The following LRRC75A variants were observed in gnomAD, a reference collection of about 807,000 sequenced individuals.
LRRC75A encodes the protein leucine-rich repeat-containing protein 75A.
In LRRC75A, 12 loss-of-function variants were observed where a neutral mutation model predicts 26.0. The observed-to-expected ratio is 0.46, with a 90% CI of 0.30 to 0.75. The LOEUF (loss-of-function observed/expected upper bound fraction) is 0.75. Ranked by LOEUF, LRRC75A falls within the 30% of genes least tolerant of loss-of-function variation. LRRC75A has a pLI of 0.08. For missense variants in LRRC75A, 410 were observed against 486.6 expected (o/e 0.84, Z 1.48); for synonymous variants, 223 against 219.3 (o/e 1.02, Z -0.15).
chr17:16,451,813 T>G (rs974846915), intron 2 of LRRC75A, among the ~76,000 whole-genome samples: 4 of 149,514 alleles, frequency 2.7e-5, no homozygotes, highest in Non-Finnish European at 5.9e-5. Flanking sequence ...GGCGCGATCT[T>G]GGCTCACTGC....
chr17:16,470,069 C>T lies in LRRC75A; in HGVS notation c.247-7683G>A, dbSNP rs544255246. ...CTCCATGTGTCTAGCAGTGAGGAGGCTCCTCTCAGACTGCCCACCTGTCTT... is the reference window on the plus strand; with the variant it reads ...CTCCATGTGTCTAGCAGTGAGGAGGTTCCTCTCAGACTGCCCACCTGTCTT... On this transcript the variant is annotated intron_variant, in intron 1 of 3. Coordinates refer to ENST00000470794, the MANE Select transcript of LRRC75A (RefSeq NM_001113567.3). Among the ~76,000 whole-genome samples the T allele has an allele frequency of 1.1e-4, 17 of 152,236 alleles. 1 individual carries two copies. The East Asian group carries it at 3.3e-3, about 29-fold the overall frequency.
Position 16,444,887 on chromosome 17 carries a change from C to T in LRRC75A, c.492-756G>A, listed in dbSNP as rs141425404. 4.6e-4 allele frequency among the ~76,000 whole-genome samples: 64 copies of T among 139,662 alleles called. 2 individuals are homozygous for T. In the East Asian group the frequency reaches 0.013, roughly 29 times the overall value. 91.6% of individuals were successfully genotyped at this position (139,662 alleles called of 152,430 possible). A position where few individuals can be genotyped will look rare whatever the true frequency, so the allele number is the denominator to read the frequency against. ...TTTTTTGGAGACAGTCTCGCTCTGT[C>T]ACCCAGGCTGGAGTACAATGGCACG... On this transcript the variant is annotated intron_variant, in intron 3 of 3. Coordinates refer to ENST00000470794, the MANE Select transcript of LRRC75A (RefSeq NM_001113567.3).
At chr17:16,485,580 G>A (rs1009573467) in intron 1 of LRRC75A, among the ~76,000 whole-genome samples, 5 of 151,838 alleles carry the variant, frequency 3.3e-5, no homozygotes, top group African/African-American at 1.2e-4. Flanking sequence ...TATAGCAGCC[G>A]GAAAGGACTA....
intron 1 of LRRC75A, among the ~76,000 whole-genome samples, chr17:16,476,377 A>ATT (rs200251487): frequency 6.7e-6 from 1 of 149,214 alleles, no homozygotes; most frequent in Non-Finnish European, 1.5e-5. Flanking sequence ...CAAAAAAAAA[A>ATT]ATTTTTTTTT....
intron 1 of LRRC75A, among the ~76,000 whole-genome samples, chr17:16,467,753 C>T (rs1012448576): frequency 2.6e-5 from 4 of 152,224 alleles, no homozygotes; most frequent in African/African-American, 9.7e-5. Context: ...CAAAACCCCA[C>T]TGTGCCTACT....
intron 2 of LRRC75A, among the ~76,000 whole-genome samples, chr17:16,456,093 A>G: frequency 1.7e-5 from 2 of 120,302 alleles, no homozygotes; most frequent in African/African-American, 3.3e-5. Flanking sequence ...GAGGAGGAGG[A>G]GGAAGGGGAG....
At chr17:16,467,117 A>G (rs938025733) in intron 1 of LRRC75A, among the ~76,000 whole-genome samples, 7 of 152,184 alleles carry the variant, frequency 4.6e-5, no homozygotes, top group African/African-American at 1.7e-4. Context: ...TGGAAAATAT[A>G]GTTATTTTCA....
At chr17:16,473,619 G>A (rs1346356995) in intron 1 of LRRC75A, among the ~76,000 whole-genome samples, 2 of 152,190 alleles carry the variant, frequency 1.3e-5, no homozygotes, top group African/African-American at 4.8e-5. Flanking sequence ...AGAAACTGCT[G>A]GTGGGGGGTC....
chr17:16,474,010 A>G (rs1369144169), intron 1 of LRRC75A, among the ~76,000 whole-genome samples: 1 of 152,230 alleles, frequency 6.6e-6, no homozygotes, highest in Non-Finnish European at 1.5e-5. Context: ...TGCCAAGTGT[A>G]ACTTAATTAA....
In LRRC75A at chr17:16,491,292, T is replaced by G. The variant is rs1208501644; in HGVS notation, c.246+453A>C. Among the ~76,000 whole-genome samples, 1 of 152,196 alleles carries G rather than the reference T, an allele frequency of 6.6e-6. No homozygotes were observed. Among genetic ancestry groups the G allele is most frequent in the Non-Finnish European group, 1.5e-5 (1 of 68,042 alleles). ...TGGAATCTCATTGGCCCCAGGGCTG[T>G]GCCCCTGGACTCGCTCTCGGGAAGC... On this transcript the variant is annotated intron_variant, in intron 1 of 3. Coordinates refer to ENST00000470794, the MANE Select transcript of LRRC75A (RefSeq NM_001113567.3). This position sits in a 1 kb window ranked among gnomAD's most constrained non-coding sequence, Gnocchi z 5.9.
At position 16,444,027 on chromosome 17, in the gene LRRC75A, C is replaced by A. The variant is rs1251769025; in HGVS notation, c.596G>T (p.Arg199Leu). The change falls in exon 4 of 4, where the codon CGC becomes CTC. Residue 199 changes from arginine (R) to leucine (L), a missense_variant. Arg to Leu is a moderately radical substitution (Grantham distance 102, BLOSUM62 -2). Transcript: ENST00000470794. ...DLERVTSYLQ[R>L]CGEQVDSVEL... ...CACGCTGTCTACCTGCTCCCCACAG[C>A]GCTGTAGGTAGCTGGTCACCCGCTC... The A allele has an allele frequency of 6.2e-7, 1 of 1,613,742 alleles. No homozygotes were observed. The highest frequency in any genetic ancestry group is 8.5e-7 in the Non-Finnish European group (1 of 1,179,892).
Position 16,443,385 on chromosome 17 carries a change from AG to A in LRRC75A, c.*202del, listed in dbSNP as rs1043957888. 4.1e-5 allele frequency: 22 copies of A among 536,486 alleles called. No individual in the cohort carries two copies. The highest frequency in any genetic ancestry group is 3.8e-4 in the African/African-American group (20 of 53,082). The allele number at this position is 536,486 out of a possible 1,614,324, so 33.2% of individuals were successfully genotyped here. On this transcript the variant is annotated 3_prime_UTR_variant, in exon 4 of 4. Coordinates refer to ENST00000470794, the MANE Select transcript of LRRC75A (RefSeq NM_001113567.3). ...AGAACCAAATGGCAGATAATGGGAT[AG>A]GGGGCAGATGCAGAGGACCAACGGG... is the stretch of plus-strand genomic sequence containing the variant.
At chr17:16,460,657 T>C (rs565604525) in intron 2 of LRRC75A, among the ~76,000 whole-genome samples, 2 of 152,338 alleles carry the variant, frequency 1.3e-5, no homozygotes, top group East Asian at 3.9e-4. Context: ...ACACCTGTGG[T>C]TCTCCTCGGA....
intron 2 of LRRC75A, among the ~76,000 whole-genome samples, chr17:16,453,845 CT>C (rs1172316755): frequency 6.6e-6 from 1 of 152,144 alleles, no homozygotes; most frequent in Non-Finnish European, 1.5e-5. Context: ...CAGAATTCTT[CT>C]TCCCCAAGGC....
At chr17:16,474,677 C>T (rs192954107) in intron 1 of LRRC75A, among the ~76,000 whole-genome samples, 2 of 152,226 alleles carry the variant, frequency 1.3e-5, no homozygotes, top group East Asian at 1.9e-4. Flanking sequence ...GCAGTACATT[C>T]TGCCCAAGTG....
intron 1 of LRRC75A, among the ~76,000 whole-genome samples, chr17:16,489,874 C>T (rs945945055): frequency 6.6e-6 from 1 of 152,154 alleles, no homozygotes; most frequent in African/African-American, 2.4e-5. Context: ...TCCCACCCCC[C>T]CATCAGCCCT....
intron 2 of LRRC75A, among the ~76,000 whole-genome samples, chr17:16,456,279 A>AGAG (rs1244571994): frequency 1.9e-5 from 2 of 107,554 alleles, no homozygotes; most frequent in Non-Finnish European, 3.8e-5. Context: ...AGGAGGAGGA[A>AGAG]GAGGAGGAGG....
intron 1 of LRRC75A, among the ~76,000 whole-genome samples, chr17:16,478,220 CT>C: frequency 6.8e-6 from 1 of 146,112 alleles, no homozygotes; most frequent in Middle Eastern, 3.6e-3. Flanking sequence ...TGGAGTCTTG[CT>C]TTGTCACCCA....
intron 1 of LRRC75A, among the ~76,000 whole-genome samples, chr17:16,488,141 T>C (rs1234198737): frequency 6.6e-6 from 1 of 152,286 alleles, no homozygotes; most frequent in East Asian, 1.9e-4. Flanking sequence ...CCTCTCTCAA[T>C]GGCGGAAGGT....
Sources: allele counts gnomAD v4.1 joint callset (sites outside exome capture counted in the v4.1 genomes callset), GRCh38; gene constraint gnomAD v4.1.1; non-coding constraint Gnocchi (gnomAD v3.1); transcripts MANE v1.5; gene names NCBI Gene and HGNC (gene_info 2026-07-23, HGNC 2026-07-21).